ATP9B: variants seen among roughly 807,000 people sequenced by gnomAD.
The protein encoded by ATP9B is probable phospholipid-transporting ATPase IIB.
Under a neutral mutation model 146.1 loss-of-function variants are expected in ATP9B, and 110 were observed. The observed-to-expected ratio is 0.75, with a 90% CI of 0.65 to 0.88. ATP9B has a LOEUF of 0.88. ATP9B is among the 40% of genes least tolerant of loss of function. ATP9B has a pLI of 0.00. For synonymous variants in ATP9B, 604 were observed against 569.7 expected, an observed-to-expected ratio of 1.06 and a Z score of -0.86; for missense variants, 1,499 against 1,496.4, an observed-to-expected ratio of 1.00 and a Z score of -0.03.
At chr18:79,292,155 G>A (rs931879541) in intron 13 of ATP9B, among the ~76,000 whole-genome samples, 1 of 152,210 alleles carries the variant, frequency 6.6e-6, no homozygotes, top group African/African-American at 2.4e-5. Context: ...GACATGGGTT[G>A]TTTCTACTTT....
At chr18:79,071,539 G>A (rs1212457243) in intron 1 of ATP9B, among the ~76,000 whole-genome samples, 7 of 151,214 alleles carry the variant, frequency 4.6e-5, no homozygotes, top group Non-Finnish European at 8.8e-5. Context: ...ATACCACCAT[G>A]CCTGGCTAAT....
In ATP9B at chr18:79,329,255, C is replaced by T; in HGVS notation, c.1888C>T (p.Leu630=). The T allele has an allele frequency of 6.2e-7, 1 of 1,612,774 alleles. No homozygotes were observed. Among genetic ancestry groups the T allele is most frequent in the South Asian group, 1.1e-5 (1 of 90,798 alleles). The part of the protein sequence containing the change: ...GQVLSFCILQ[L]FPFTSESKRM... ...GGTCCTCAGCTTCTGCATTCTGCAGCTGTTTCCCTTCACCTCCGAGAGCAA... is the reference window on the plus strand; with the variant it reads ...GGTCCTCAGCTTCTGCATTCTGCAGTTGTTTCCCTTCACCTCCGAGAGCAA... Residue 630 remains leucine (L), a synonymous_variant, in exon 16 of 30, where the codon CTG becomes TTG. Transcript: ENST00000426216.
At chr18:79,237,585 A>G (rs560554714) in intron 11 of ATP9B, among the ~76,000 whole-genome samples, 1 of 150,474 alleles carries the variant, frequency 6.6e-6, no homozygotes, top group South Asian at 2.1e-4. Context: ...GTCAACGAAT[A>G]TTGTGTATTC....
At chr18:79,333,147 G>A in intron 17 of ATP9B, 1 of 152,508 alleles carries the variant, frequency 6.6e-6, no homozygotes, top group Non-Finnish European at 1.5e-5. Context: ...CTCTGCGCGT[G>A]CCTGGGGGGC....
At chr18:79,372,334 CAT>C (rs948158903) in intron 26 of ATP9B, 3 of 294,790 alleles carry the variant, frequency 1.0e-5, no homozygotes, top group African/African-American at 6.6e-5. Flanking sequence ...ATGTATGTGA[CAT>C]GTTCTCCAGC....
intron 7 of ATP9B, among the ~76,000 whole-genome samples, chr18:79,173,068 T>A (rs1297284645): frequency 1.3e-5 from 2 of 152,230 alleles, no homozygotes; most frequent in South Asian, 2.1e-4. Flanking sequence ...GTGGTTTGCG[T>A]GTGCCGTTCC....
chr18:79,337,145 T>TAC (rs1246754641), intron 18 of ATP9B, 134 bp from the exon 19 acceptor site: 1 of 1,158,326 alleles, frequency 8.6e-7, no homozygotes, highest in African/African-American at 1.8e-5. Flanking sequence ...CTCTGTGGAG[T>TAC]ACACACACAG....
intron 2 of ATP9B, among the ~76,000 whole-genome samples, chr18:79,107,860 C>T (rs1004710919): frequency 3.3e-5 from 5 of 152,096 alleles, no homozygotes; most frequent in African/African-American, 4.8e-5. Context: ...GATCCAGGCT[C>T]TCGTTTCAAC....
chr18:79,249,413 C>A (rs1467079512), intron 11 of ATP9B, among the ~76,000 whole-genome samples: 1 of 152,064 alleles, frequency 6.6e-6, no homozygotes, highest in African/African-American at 2.4e-5. Flanking sequence ...AATATTATGA[C>A]AAGTAGAAGA....
At chr18:79,189,958 A>C (rs1411475819) in intron 8 of ATP9B, among the ~76,000 whole-genome samples, 1 of 152,256 alleles carries the variant, frequency 6.6e-6, no homozygotes. Flanking sequence ...ACTGTGATGC[A>C]CAGGGTCCTG....
At chr18:79,167,613 A>G (rs1006646381) in intron 7 of ATP9B, among the ~76,000 whole-genome samples, 3 of 152,068 alleles carry the variant, frequency 2.0e-5, no homozygotes, top group Non-Finnish European at 4.4e-5. Flanking sequence ...TTTCTGTGTG[A>G]GTCTGGCCGA....
chr18:79,135,548 C>T (rs149479144), intron 5 of ATP9B, among the ~76,000 whole-genome samples: 28 of 152,284 alleles, frequency 1.8e-4, no homozygotes, highest in African/African-American at 6.3e-4. Context: ...CTCTTTCCGG[C>T]TCATTCTCTT....
intron 8 of ATP9B, among the ~76,000 whole-genome samples, chr18:79,179,125 A>G (rs1472954318): frequency 6.6e-6 from 1 of 152,204 alleles, no homozygotes; most frequent in African/African-American, 2.4e-5. Context: ...CATTAATGGC[A>G]TAAAGTTCAT....
rs559812846 is a variant in ATP9B, at chr18:79,099,338, C to T, written c.293+2689C>T. Among the ~76,000 whole-genome samples the T allele has an allele frequency of 1.2e-4, 18 of 152,262 alleles. No individual in the cohort carries two copies. The East Asian group carries it at 3.3e-3, about 28-fold the overall frequency. The stretch of plus-strand genomic sequence containing the variant: ...CTGGGTTCAAGCGATTCTCCTTCCT[C>T]AGCCTCCTGAGTAGCTGGGACTACA... On this transcript the variant is annotated intron_variant, in intron 2 of 29. Coordinates refer to ENST00000426216, the MANE Select transcript of ATP9B (RefSeq NM_198531.5).
chr18:79,187,970 T>A (rs2095324344), intron 8 of ATP9B, among the ~76,000 whole-genome samples: 1 of 152,158 alleles, frequency 6.6e-6, no homozygotes, highest in Non-Finnish European at 1.5e-5. Context: ...GACTTACAAC[T>A]CTCCAGTCCC....
chr18:79,088,081 G>A (rs505026), intron 1 of ATP9B, among the ~76,000 whole-genome samples: 131,840 of 152,246 alleles, frequency 0.87, 57,166 homozygotes, highest in Middle Eastern at 0.94. Flanking sequence ...AAAATTTTCA[G>A]TACAATAGGA....
intron 9 of ATP9B, among the ~76,000 whole-genome samples, chr18:79,195,560 A>C (rs1162699356): frequency 4.6e-5 from 7 of 152,260 alleles, no homozygotes; most frequent in African/African-American, 1.4e-4. Flanking sequence ...TACTAACCAA[A>C]CAATGGTACT....
At chr18:79,070,587 G>C (rs1304203727) in intron 1 of ATP9B, among the ~76,000 whole-genome samples, 5 of 152,162 alleles carry the variant, frequency 3.3e-5, no homozygotes. Context: ...TAGTAAATCT[G>C]TTTAATTTTA....
intron 1 of ATP9B, chr18:79,095,595 A>G (rs1042036442): frequency 1.3e-5 from 2 of 152,182 alleles, no homozygotes; most frequent in Admixed American, 1.3e-4. Flanking sequence ...AGAGAATGTT[A>G]AAAAAGATTT....
Sources: gnomAD v4.1 joint callset for allele counts (sites outside exome capture counted in the v4.1 genomes callset) on GRCh38, gnomAD v4.1.1 for gene constraint, MANE v1.5 for transcripts, NCBI Gene and HGNC (gene_info 2026-07-23, HGNC 2026-07-21) for gene names.